TXNDC15: variants seen among roughly 807,000 people sequenced by gnomAD.
TXNDC15 encodes thioredoxin domain containing 15, also known as thioredoxin domain-containing protein 15.
A neutral mutation model predicts 35.0 loss-of-function variants in TXNDC15; 24 were observed. The ratio of observed to expected loss-of-function variants is 0.68; its 90% CI spans 0.50 to 0.96. The LOEUF (loss-of-function observed/expected upper bound fraction) is 0.96. TXNDC15 is among the 40% of genes least tolerant of loss of function. The pLI is 0.00. For synonymous variants in TXNDC15, 169 were observed against 174.0 expected (o/e 0.97, Z 0.23); for missense variants, 385 against 453.3 (o/e 0.85, Z 1.37).
intron 2 of TXNDC15, among the ~76,000 whole-genome samples, chr5:134,891,706 C>G (rs1207931379): frequency 1.3e-5 from 2 of 152,134 alleles, no homozygotes; most frequent in Admixed American, 6.6e-5. Flanking sequence ...GGGTGGATTG[C>G]TTAAACCTAG....
rs747681836 is a variant in TXNDC15 at position 134,888,178 on chromosome 5, C to T, written c.587C>T (p.Ser196Leu). The change falls in exon 2 of 5, where the codon TCA (serine) becomes TTA (leucine). Residue 196 changes from serine (S) to leucine (L), a missense_variant. Ser to Leu is a moderately radical substitution (Grantham distance 145). Transcript: ENST00000358387. ...ENFTLKILNM[S>L]QDLMDFLNPN... Reference sequence around the variant, plus strand: ...TTCACTCTGAAAATTTTAAATATGTCACAGGTAAGGAAAAATTATTTAGTG... The same window carrying T: ...TTCACTCTGAAAATTTTAAATATGTTACAGGTAAGGAAAAATTATTTAGTG... The T allele has an allele frequency of 1.3e-6, 2 of 1,599,982 alleles. No homozygotes were observed. The highest frequency in any genetic ancestry group is 1.7e-6 in the Non-Finnish European group (2 of 1,170,680).
intron 1 of TXNDC15, among the ~76,000 whole-genome samples, chr5:134,881,816 G>A (rs1176462996): frequency 6.6e-6 from 1 of 150,462 alleles, no homozygotes; most frequent in Non-Finnish European, 1.5e-5. Flanking sequence ...CGGGCGGGGG[G>A]CTGACGCTCC....
chr5:134,886,646 A>G (rs929400744), intron 1 of TXNDC15, among the ~76,000 whole-genome samples: 3 of 152,256 alleles, frequency 2.0e-5, no homozygotes, highest in African/African-American at 7.2e-5. Flanking sequence ...TCCCAAGGGC[A>G]GCAGCCCAAG....
chr5:134,886,188 A>G (rs1267386661), intron 1 of TXNDC15, among the ~76,000 whole-genome samples: 4 of 152,250 alleles, frequency 2.6e-5, no homozygotes, highest in Non-Finnish European at 5.9e-5. Flanking sequence ...TCTGTTATGC[A>G]TCAGCAACAA....
chr5:134,886,994 C>T (rs137968325), intron 1 of TXNDC15, among the ~76,000 whole-genome samples: 112 of 152,266 alleles, frequency 7.4e-4, no homozygotes, highest in African/African-American at 2.7e-3. Context: ...TTGCATAAAA[C>T]CATGATCCTT....
chr5:134,899,068 CT>C (rs1242865631), intron 4 of TXNDC15, among the ~76,000 whole-genome samples: 2 of 151,260 alleles, frequency 1.3e-5, no homozygotes, highest in Non-Finnish European at 2.9e-5. Context: ...CAGAGCAGGA[CT>C]TCATCACAGA....
chr5:134,877,461 C>G (rs1750054923), intron 1 of TXNDC15, among the ~76,000 whole-genome samples: 1 of 152,098 alleles, frequency 6.6e-6, no homozygotes, highest in Non-Finnish European at 1.5e-5. Flanking sequence ...AGGTCAGGGT[C>G]TGGAGGGGGG....
chr5:134,899,788 T>C lies in TXNDC15; in HGVS notation c.*103T>C. On this transcript the variant is annotated 3_prime_UTR_variant, in exon 5 of 5. Transcript: ENST00000358387. ...CTCCAGTGACGTGTTGACTTGAAAC[T>C]TCAGGCAGATTAAAAGAATCATTTG... The C allele has an allele frequency of 1.1e-6, 1 of 922,434 alleles. No individual in the cohort carries two copies. Among genetic ancestry groups the C allele is most frequent in the South Asian group, 2.1e-5 (1 of 47,280 alleles). 57.1% of individuals were successfully genotyped at this position (922,434 alleles called of 1,614,324 possible).
intron 4 of TXNDC15, among the ~76,000 whole-genome samples, chr5:134,896,764 C>T (rs1262044419): frequency 6.6e-6 from 1 of 151,508 alleles, no homozygotes; most frequent in Non-Finnish European, 1.5e-5. Flanking sequence ...CTGCCTCAGC[C>T]TCCCGAGTAG....
At chr5:134,883,320 G>A (rs961522379) in intron 1 of TXNDC15, among the ~76,000 whole-genome samples, 7 of 152,142 alleles carry the variant, frequency 4.6e-5, no homozygotes, top group African/African-American at 1.7e-4. Flanking sequence ...AGCTATTCAG[G>A]AGGCTGAGGC....
intron 1 of TXNDC15, among the ~76,000 whole-genome samples, chr5:134,882,514 C>A (rs551706683): frequency 4.5e-4 from 69 of 152,302 alleles, no homozygotes; most frequent in Middle Eastern, 3.4e-3. Flanking sequence ...GATGTTGTAG[C>A]GAGCCGAGAT....
At chr5:134,877,346 G>A (rs986319359) in intron 1 of TXNDC15, among the ~76,000 whole-genome samples, 16 of 152,198 alleles carry the variant, frequency 1.1e-4, no homozygotes, top group African/African-American at 3.9e-4. Context: ...GCTACAGAAT[G>A]CAGATGCATT....
chr5:134,896,573 C>A, intron 4 of TXNDC15, 149 bp downstream of exon 4: 1 of 892,640 alleles, frequency 1.1e-6, no homozygotes, highest in Non-Finnish European at 1.7e-6. Flanking sequence ...CTGTTATGAT[C>A]CTGTTAAATA....
chr5:134,895,901 G>A (rs1051620277), intron 3 of TXNDC15: 1 of 186,478 alleles, frequency 5.4e-6, no homozygotes, highest in African/African-American at 2.4e-5. Context: ...CCTACTGTAA[G>A]TTGATCTTTT....
chr5:134,880,173 C>T (rs1750113560), intron 1 of TXNDC15, among the ~76,000 whole-genome samples: 1 of 152,226 alleles, frequency 6.6e-6, no homozygotes, highest in South Asian at 2.1e-4. Context: ...AGAAACCTCC[C>T]TTAGTCTTCC....
At chr5:134,874,361 C>G (rs1749983736), upstream of TXNDC15, 1 of 1,403,780 alleles carries the variant, frequency 7.1e-7, no homozygotes, top group Non-Finnish European at 9.5e-7. Flanking sequence ...GCTCTCCTCC[C>G]CCAGCCTTCC....
chr5:134,894,984 G>A (rs1192333599), intron 3 of TXNDC15, among the ~76,000 whole-genome samples: 1 of 151,914 alleles, frequency 6.6e-6, no homozygotes, highest in Non-Finnish European at 1.5e-5. Flanking sequence ...GACCAGCCTG[G>A]ACAACATGGC....
chr5:134,884,907 A>G (rs1348905785), intron 1 of TXNDC15, among the ~76,000 whole-genome samples: 1 of 144,664 alleles, frequency 6.9e-6, no homozygotes, highest in African/African-American at 2.5e-5. Flanking sequence ...GATATTTTAG[A>G]TTCCCTATAC....
intron 1 of TXNDC15, among the ~76,000 whole-genome samples, chr5:134,881,771 G>C (rs1750150991): frequency 6.7e-6 from 1 of 149,826 alleles, no homozygotes. Context: ...CGGCCGGGCA[G>C]AGGCGCCCCT....
Sources: allele counts gnomAD v4.1 joint callset (sites outside exome capture counted in the v4.1 genomes callset), GRCh38; gene constraint gnomAD v4.1.1; transcripts MANE v1.5; gene names NCBI Gene and HGNC (gene_info 2026-07-23, HGNC 2026-07-21).